Variants in DTNA observed in about 807,000 individuals in gnomAD.
DTNA encodes dystrobrevin alpha.
In DTNA, 43 loss-of-function variants were observed where a neutral mutation model predicts 100.7. The ratio of observed to expected loss-of-function variants is 0.43; its 90% CI spans 0.33 to 0.55. The LOEUF (loss-of-function observed/expected upper bound fraction) is 0.55, where lower values mean the gene tolerates loss of function less well. Ranked by LOEUF, DTNA falls within the 20% of genes least tolerant of loss-of-function variation. DTNA has a pLI of 0.04. For synonymous variants in DTNA, 349 were observed against 347.9 expected (o/e 1.00, Z -0.04); for missense variants, 798 against 953.9 (o/e 0.84, Z 2.15).
At chr18:34,646,862 T>A (rs1263977511) in intron 1 of DTNA, among the ~76,000 whole-genome samples, 2 of 151,964 alleles carry the variant, frequency 1.3e-5, no homozygotes, top group Non-Finnish European at 2.9e-5. Context: ...ATTACAGGCA[T>A]GCGCCACCAT....
chr18:34,593,954 AAAAAAAG>A (rs1256644834), intron 1 of DTNA, among the ~76,000 whole-genome samples: 1 of 152,150 alleles, frequency 6.6e-6, no homozygotes, highest in African/African-American at 2.4e-5. Flanking sequence ...TTTGAGAAAC[AAAAAAAG>A]GAAAAAGGAG....
chr18:34,826,811 C>A (rs1310719531), intron 9 of DTNA, among the ~76,000 whole-genome samples: 1 of 152,048 alleles, frequency 6.6e-6, no homozygotes, highest in Non-Finnish European at 1.5e-5. Context: ...GGGATCTTAG[C>A]CCTATCATTT....
intron 1 of DTNA, among the ~76,000 whole-genome samples, chr18:34,637,567 G>A (rs2058795986): frequency 6.6e-6 from 1 of 152,126 alleles, no homozygotes; most frequent in African/African-American, 2.4e-5. Context: ...TTAGCTCTTA[G>A]TCCCCACTCC....
At chr18:34,775,502 A>G (rs1446084009) in intron 3 of DTNA, among the ~76,000 whole-genome samples, 1 of 152,108 alleles carries the variant, frequency 6.6e-6, no homozygotes, top group Non-Finnish European at 1.5e-5. Context: ...AAAAATAAAT[A>G]AATAAATAAA....
At chr18:34,776,531 T>C (rs9952911) in intron 3 of DTNA, among the ~76,000 whole-genome samples, 148,557 of 152,196 alleles carry the variant, frequency 0.98, 72,604 homozygotes, top group East Asian at 1. Context: ...TTAGTAGAGA[T>C]GGGGTTTCAC....
chr18:34,849,731 T>G (rs2149896955), intron 14 of DTNA, among the ~76,000 whole-genome samples: 1 of 152,362 alleles, frequency 6.6e-6, no homozygotes, highest in Middle Eastern at 3.4e-3. Flanking sequence ...TTTCATCTTA[T>G]CTTAAAAGAC....
At chr18:34,814,214 G>A (rs567222434) in intron 6 of DTNA, among the ~76,000 whole-genome samples, 1 of 152,268 alleles carries the variant, frequency 6.6e-6, no homozygotes, top group South Asian at 2.1e-4. Flanking sequence ...TCAAGGAAAT[G>A]TAACTACCTG....
At chr18:34,686,696 T>C (rs1481476830) in intron 1 of DTNA, among the ~76,000 whole-genome samples, 3 of 152,178 alleles carry the variant, frequency 2.0e-5, no homozygotes, top group African/African-American at 2.4e-5. Flanking sequence ...TTGTTTGGAA[T>C]TGTTTCAGAA....
chr18:34,547,910 A>G (rs2044975386), intron 1 of DTNA, among the ~76,000 whole-genome samples: 1 of 152,190 alleles, frequency 6.6e-6, no homozygotes, highest in Non-Finnish European at 1.5e-5. Context: ...ACAGCAACCA[A>G]CTAAGTGTTA....
rs151274853 is a variant in DTNA at position 34,612,867 on chromosome 18, C to T, written c.-2+119353C>T. ...ATCATGACTAGGAGAGTTTTCAGTG[C>T]ATAAGCCAATCATAATGAGTCCACC... On this transcript the variant is annotated intron_variant, in intron 1 of 19. Coordinates refer to the DTNA transcript ENST00000283365. Among the ~76,000 whole-genome samples the T allele has an allele frequency of 5.0e-3, 763 of 152,298 alleles. 6 individuals are homozygous for T. The highest frequency in any genetic ancestry group is 0.017 in the African/African-American group (713 of 41,572).
intron 1 of DTNA, among the ~76,000 whole-genome samples, chr18:34,694,515 A>G (rs1203420771): frequency 6.6e-6 from 1 of 152,198 alleles, no homozygotes; most frequent in African/African-American, 2.4e-5. Flanking sequence ...AAATTAGCAA[A>G]GCAGATAAAT....
At chr18:34,533,182 C>G (rs2043320797) in intron 1 of DTNA, among the ~76,000 whole-genome samples, 1 of 151,588 alleles carries the variant, frequency 6.6e-6, no homozygotes, top group Non-Finnish European at 1.5e-5. Context: ...ACCAGCCTGA[C>G]CAACATGGTA....
chr18:34,575,376 C>CT (rs1022905332), intron 1 of DTNA, among the ~76,000 whole-genome samples: 19 of 152,162 alleles, frequency 1.2e-4, no homozygotes, highest in Non-Finnish European at 2.2e-4. Context: ...TAAGTTGTCT[C>CT]TTATTTCTGA....
Position 34,681,732 on chromosome 18 carries a change from CCCA to C in DTNA, c.-1-74242_-1-74240del, listed in dbSNP as rs1568206252. Reference sequence around the variant, plus strand: ...CACACACACACACACACACACACACCCCACACACACACACCCTATGGACATCCT... The same window carrying C: ...CACACACACACACACACACACACACCCACACACACACCCTATGGACATCCT... On this transcript the variant is annotated intron_variant, in intron 1 of 19. Transcript: ENST00000283365. Among the ~76,000 whole-genome samples, 398 of 141,536 alleles carry C rather than the reference CCCA, an allele frequency of 2.8e-3. 2 individuals carry two copies. The highest frequency in any genetic ancestry group is 0.011 in the African/African-American group (372 of 35,384). 92.9% of individuals were successfully genotyped at this position (141,536 alleles called of 152,430 possible).
At chr18:34,524,914 A>G (rs1317244162) in intron 1 of DTNA, among the ~76,000 whole-genome samples, 2 of 152,172 alleles carry the variant, frequency 1.3e-5, no homozygotes, top group Admixed American at 1.3e-4. Flanking sequence ...TTTGGGGCAT[A>G]CTGGAGCTGT....
At chr18:34,872,193 G>A (rs1490737828) in intron 17 of DTNA, among the ~76,000 whole-genome samples, 1 of 152,170 alleles carries the variant, frequency 6.6e-6, no homozygotes, top group Non-Finnish European at 1.5e-5. Context: ...AGCAGGGAGA[G>A]GTTGGGTGAG....
At chr18:34,674,478 C>A (rs939283097) in intron 1 of DTNA, among the ~76,000 whole-genome samples, 1 of 152,154 alleles carries the variant, frequency 6.6e-6, no homozygotes, top group African/African-American at 2.4e-5. Context: ...ATTTGCCAGC[C>A]ATCCTCTCCC....
At chr18:34,785,224 G>T (rs942907186) in intron 3 of DTNA, among the ~76,000 whole-genome samples, 1 of 152,114 alleles carries the variant, frequency 6.6e-6, no homozygotes, top group Non-Finnish European at 1.5e-5. Context: ...TGAAATATTT[G>T]ATTTGAAATT....
chr18:34,665,247 A>AG (rs2075745728), intron 1 of DTNA, among the ~76,000 whole-genome samples: 1 of 152,008 alleles, frequency 6.6e-6, no homozygotes, highest in African/African-American at 2.4e-5. Flanking sequence ...TTTTTTCCTT[A>AG]GGGAAACAAG....
Sources: allele counts gnomAD v4.1 joint callset (sites outside exome capture counted in the v4.1 genomes callset), GRCh38; gene constraint gnomAD v4.1.1; transcripts MANE v1.5; gene names NCBI Gene and HGNC (gene_info 2026-07-23, HGNC 2026-07-21).